INAFM2: variants seen among roughly 807,000 people sequenced by gnomAD.
The protein encoded by INAFM2 is InaF motif containing 2.
INAFM2 carries 3 observed loss-of-function variants against 5.6 expected under a neutral mutation model. The observed-to-expected ratio is 0.54, with a 90% confidence interval of 0.24 to 1.39. The LOEUF (loss-of-function observed/expected upper bound fraction) is 1.39, where lower values mean the gene tolerates loss of function less well. INAFM2 is among the 40% of genes most tolerant of loss of function. The pLI, the probability that INAFM2 is intolerant of heterozygous loss-of-function variation, is 0.16. For missense variants in INAFM2, 186 were observed against 217.5 expected (o/e 0.86, Z 0.91); for synonymous variants, 113 against 109.1 (o/e 1.04, Z -0.22).
In INAFM2 at chr15:40,323,961, AG is replaced by A. The variant is rs1450067552; in HGVS notation, c.-92del. On this transcript the variant is annotated 5_prime_UTR_variant, in exon 1 of 1. Coordinates refer to ENST00000638170, the MANE Select transcript of INAFM2 (RefSeq NM_001301268.2). The surrounding 1 kb of genome is among the most constrained non-coding windows in gnomAD (Gnocchi z 5.6). ...CGGAGCGCGGGGCCGCCGGGAACCG[AG>A]GGCGCCGGGCCGCCCCCTGCCCAGT... 4 of 630,070 alleles carry A rather than the reference AG, an allele frequency of 6.3e-6. No individual in the cohort carries two copies. Among genetic ancestry groups the A allele is most frequent in the Non-Finnish European group, 6.6e-6 (3 of 454,620 alleles). The allele number at this position is 630,070 out of a possible 1,614,324, so 39.0% of individuals were successfully genotyped here. A position where few individuals can be genotyped will look rare whatever the true frequency, so the allele number is the denominator to read the frequency against.
In INAFM2 at chr15:40,326,004, T is replaced by C. The variant is rs142378436; in HGVS notation, c.*1487T>C. The C allele has an allele frequency of 2.0e-5, 3 of 152,254 alleles. No individual in the cohort carries two copies. Among genetic ancestry groups the C allele is most frequent in the African/African-American group, 7.2e-5 (3 of 41,532 alleles). The allele number at this position is 152,254 out of a possible 1,614,324, so 9.4% of individuals were successfully genotyped here. ...GGAAATGAGGCACTATTTTTTTTTTTAAAAGACAACTTACCCACCTGAGTC... is the reference window on the plus strand; with the variant it reads ...GGAAATGAGGCACTATTTTTTTTTTCAAAAGACAACTTACCCACCTGAGTC... On this transcript the variant is annotated 3_prime_UTR_variant, in exon 1 of 1. Coordinates refer to ENST00000638170, the MANE Select transcript of INAFM2 (RefSeq NM_001301268.2).
Position 40,324,220 on chromosome 15 carries a change from C to T in INAFM2, c.165C>T (p.Val55=). The T allele has an allele frequency of 2.4e-6, 3 of 1,229,636 alleles. No homozygotes were observed. The highest frequency in any genetic ancestry group is 3.0e-6 in the Non-Finnish European group (3 of 986,700). The allele number at this position is 1,229,636 out of a possible 1,614,324, so 76.2% of individuals were successfully genotyped here. ...SVSLAAIVLA[V]YYSLIWQPVG... is the part of the protein sequence containing the mutation. ...CGCTGGCCGCCATCGTGCTCGCCGT[C>T]TACTACAGCCTCATCTGGCAGCCGG... Residue 55 remains valine (V), a synonymous_variant, in exon 1 of 1, where the codon GTC becomes GTT. Coordinates refer to ENST00000638170, the MANE Select transcript of INAFM2 (RefSeq NM_001301268.2).
rs1888738878 is a variant in INAFM2 at position 40,323,969 on chromosome 15, G to C, written c.-87G>C. 1 of 743,194 alleles carries C rather than the reference G, an allele frequency of 1.3e-6. No homozygotes were observed. The highest frequency in any genetic ancestry group is 3.8e-5 in the East Asian group (1 of 26,128). 46.0% of individuals were successfully genotyped at this position (743,194 alleles called of 1,614,324 possible). The stretch of plus-strand genomic sequence containing the variant: ...GGGGCCGCCGGGAACCGAGGGCGCC[G>C]GGCCGCCCCCTGCCCAGTCCTTGCA... On this transcript the variant is annotated 5_prime_UTR_variant, in exon 1 of 1. Transcript: ENST00000638170. The surrounding 1 kb of genome is among the most constrained non-coding windows in gnomAD (Gnocchi z 5.6).
chr15:40,324,554 C>T lies in INAFM2; in HGVS notation c.*37C>T, dbSNP rs1458543679. The T allele has an allele frequency of 1.6e-6, 2 of 1,214,072 alleles. No individual in the cohort carries two copies. The highest frequency in any genetic ancestry group is 2.1e-6 in the Non-Finnish European group (2 of 973,604). The allele number at this position is 1,214,072 out of a possible 1,614,324, so 75.2% of individuals were successfully genotyped here. ...CTGGGGGCCGCCGGGAACCATTCTC[C>T]CCAAGCCCAGAGGCAGGACTTCGCA... On this transcript the variant is annotated 3_prime_UTR_variant, in exon 1 of 1. Coordinates refer to ENST00000638170, the MANE Select transcript of INAFM2 (RefSeq NM_001301268.2).
rs969708311 is a variant in INAFM2 at position 40,325,071 on chromosome 15, C to T, written c.*554C>T. The T allele has an allele frequency of 3.3e-5, 5 of 152,224 alleles. No individual in the cohort carries two copies. The highest frequency in any genetic ancestry group is 1.2e-4 in the African/African-American group (5 of 41,446). The allele number at this position is 152,224 out of a possible 1,614,324, so 9.4% of individuals were successfully genotyped here. A position where few individuals can be genotyped will look rare whatever the true frequency, so the allele number is the denominator to read the frequency against. Reference sequence around the variant, plus strand: ...TCACATAGAATTCTATGTATATCCTCCCACACCCTGGGTAGCTACTGACTG... The same window carrying T: ...TCACATAGAATTCTATGTATATCCTTCCACACCCTGGGTAGCTACTGACTG... On this transcript the variant is annotated 3_prime_UTR_variant, in exon 1 of 1. Coordinates refer to ENST00000638170, the MANE Select transcript of INAFM2 (RefSeq NM_001301268.2).
Position 40,324,366 on chromosome 15 carries a change from G to T in INAFM2, c.311G>T (p.Arg104Leu). 6 of 1,222,250 alleles carry T rather than the reference G, an allele frequency of 4.9e-6. No individual in the cohort carries two copies. The South Asian group carries it at 2.1e-4, about 42-fold the overall frequency. The allele number at this position is 1,222,250 out of a possible 1,614,324, so 75.7% of individuals were successfully genotyped here. ...CCCAACACCACTGGGTCGTCCCGCC[G>T]CGAGGCGCCGCGCGACGTTCCCCCA... ...AGPNTTGSSR[R>L]EAPRDVPPLQ... The change falls in exon 1 of 1, where the codon CGC (arginine) becomes CTC (leucine). Residue 104 changes from arginine (R) to leucine (L), a missense_variant. By Grantham distance (102) the Arg-to-Leu change is moderately radical (BLOSUM62 -2). Coordinates refer to ENST00000638170, the MANE Select transcript of INAFM2 (RefSeq NM_001301268.2).
At position 40,324,037 on chromosome 15, in the gene INAFM2, C is replaced by A. The variant is rs1290259669; in HGVS notation, c.-19C>A. On this transcript the variant is annotated 5_prime_UTR_variant, in exon 1 of 1. Transcript: ENST00000638170. The stretch of plus-strand genomic sequence containing the variant: ...CAGCCGGGGCCGTGGAGCACCGGGG[C>A]AAAGGCCGGGGCCCCCCCATGAAGG... 1 of 1,224,576 alleles carries A rather than the reference C, an allele frequency of 8.2e-7. No individual in the cohort carries two copies. Among genetic ancestry groups the A allele is most frequent in the Non-Finnish European group, 1.0e-6 (1 of 982,804 alleles). The allele number at this position is 1,224,576 out of a possible 1,614,324, so 75.9% of individuals were successfully genotyped here.
rs978094253 is a variant in INAFM2 at position 40,324,422 on chromosome 15, C to T, written c.367C>T (p.Pro123Ser). The T allele has an allele frequency of 5.1e-5, 62 of 1,224,802 alleles. No individual in the cohort carries two copies. The highest frequency in any genetic ancestry group is 1.1e-5 in the Non-Finnish European group (11 of 983,462). 75.9% of individuals were successfully genotyped at this position (1,224,802 alleles called of 1,614,324 possible). A position where few individuals can be genotyped will look rare whatever the true frequency, so the allele number is the denominator to read the frequency against. The change falls in exon 1 of 1, where the codon CCC becomes TCC. Residue 123 changes from proline to serine, a missense_variant. Around this residue, in one of 2 missense-constraint regions of INAFM2, gnomAD observed 148 missense variants for 140.2 expected, o/e 1.06. Transcript: ENST00000638170. ...GGCGGCGCGACCGGCGCCTCCGGAGCCCCCTGCGGACAGCCCCCCGGCCGG... is the reference window on the plus strand; with the variant it reads ...GGCGGCGCGACCGGCGCCTCCGGAGTCCCCTGCGGACAGCCCCCCGGCCGG... ...LQAARPAPPEPPADSPPAGPL... is the reference protein window; with the variant it reads ...LQAARPAPPESPADSPPAGPL...
chr15:40,324,214 C>A lies in INAFM2; in HGVS notation c.159C>A (p.Leu53=). The A allele has an allele frequency of 8.1e-7, 1 of 1,229,576 alleles. No individual in the cohort carries two copies. The allele number at this position is 1,229,576 out of a possible 1,614,324, so 76.2% of individuals were successfully genotyped here. The change falls in exon 1 of 1, where the codon CTC becomes CTA. Residue 53 remains leucine, a synonymous_variant. Transcript: ENST00000638170. ...VLSVSLAAIV[L]AVYYSLIWQP... is the part of the protein sequence containing the mutation. ...CCGTGTCGCTGGCCGCCATCGTGCT[C>A]GCCGTCTACTACAGCCTCATCTGGC...
chr15:40,325,675 A>G lies in INAFM2; in HGVS notation c.*1158A>G, dbSNP rs34775584. The G allele has an allele frequency of 0.01, 1,541 of 152,264 alleles. 21 individuals carry two copies. The highest frequency in any genetic ancestry group is 0.044 in the Middle Eastern group (13 of 294). The allele number at this position is 152,264 out of a possible 1,614,324, so 9.4% of individuals were successfully genotyped here. On this transcript the variant is annotated 3_prime_UTR_variant, in exon 1 of 1. Coordinates refer to ENST00000638170, the MANE Select transcript of INAFM2 (RefSeq NM_001301268.2). ...ACATCCTCTGGTTTTGAGTTATTCT[A>G]CAGAATCAGAAAGGCTGGAAGGTGG... is the stretch of plus-strand genomic sequence containing the variant.
At position 40,324,297 on chromosome 15, in the gene INAFM2, A is replaced by T. The variant is rs1888746951; in HGVS notation, c.242A>T (p.Asn81Ile). The change falls in exon 1 of 1, where the codon AAC becomes ATC. Residue 81 changes from asparagine to isoleucine, a missense_variant. Transcript: ENST00000638170. ...GCTGGCCCGCCCCCCGGCGGCTCCA[A>T]CGCCACTGGCCCGTCTGGGACTTCG... The part of the protein sequence containing the change: ...GAAGPPPGGS[N>I]ATGPSGTSGA... 8.1e-7 allele frequency: 1 copy of T among 1,227,378 alleles called. No individual in the cohort carries two copies. Among genetic ancestry groups the T allele is most frequent in the Middle Eastern group, 3.1e-4 (1 of 3,180 alleles). 76.0% of individuals were successfully genotyped at this position (1,227,378 alleles called of 1,614,324 possible).
Position 40,325,733 on chromosome 15 carries a change from G to A in INAFM2, c.*1216G>A, listed in dbSNP as rs957226535. 6.6e-6 allele frequency: 1 copy of A among 152,200 alleles called. No homozygotes were observed. Among genetic ancestry groups the A allele is most frequent in the Non-Finnish European group, 1.5e-5 (1 of 68,040 alleles). 9.4% of individuals were successfully genotyped at this position (152,200 alleles called of 1,614,324 possible). A position where few individuals can be genotyped will look rare whatever the true frequency, so the allele number is the denominator to read the frequency against. On this transcript the variant is annotated 3_prime_UTR_variant, in exon 1 of 1. Transcript: ENST00000638170. ...ACTCAGGATTGTGCTTTGAGAACCA[G>A]CTAATAGACCAGCCGAGGGAAGGTT...
In INAFM2 at chr15:40,324,553, C is replaced by G; in HGVS notation, c.*36C>G. 2 of 1,212,166 alleles carry G rather than the reference C, an allele frequency of 1.6e-6. No individual in the cohort carries two copies. Among genetic ancestry groups the G allele is most frequent in the Non-Finnish European group, 1.0e-6 (1 of 972,416 alleles). The allele number at this position is 1,212,166 out of a possible 1,614,324, so 75.1% of individuals were successfully genotyped here. A position where few individuals can be genotyped will look rare whatever the true frequency, so the allele number is the denominator to read the frequency against. ...GCTGGGGGCCGCCGGGAACCATTCTCCCCAAGCCCAGAGGCAGGACTTCGC... is the reference window on the plus strand; with the variant it reads ...GCTGGGGGCCGCCGGGAACCATTCTGCCCAAGCCCAGAGGCAGGACTTCGC... On this transcript the variant is annotated 3_prime_UTR_variant, in exon 1 of 1. Coordinates refer to ENST00000638170, the MANE Select transcript of INAFM2 (RefSeq NM_001301268.2).
chr15:40,323,805 TGGC>T lies in INAFM2; in HGVS notation c.-242_-240del. On this transcript the variant is annotated 5_prime_UTR_variant, in exon 1 of 1. Transcript: ENST00000638170. This position sits in a 1 kb window ranked among gnomAD's most constrained non-coding sequence, Gnocchi z 5.6. ...GTGGCGGCTGTGGCGGCTGTGGCTGTGGCGGCGGCGGGGAAGCAGCTGACGGGC... is the reference window on the plus strand; with the variant it reads ...GTGGCGGCTGTGGCGGCTGTGGCTGTGGCGGCGGGGAAGCAGCTGACGGGC... 7.1e-6 allele frequency: 1 copy of T among 141,258 alleles called. No individual in the cohort carries two copies. Among genetic ancestry groups the T allele is most frequent in the Non-Finnish European group, 1.5e-5 (1 of 65,004 alleles). 8.8% of individuals were successfully genotyped at this position (141,258 alleles called of 1,614,324 possible).
Position 40,325,709 on chromosome 15 carries a change from C to T in INAFM2, c.*1192C>T, listed in dbSNP as rs1888779470. On this transcript the variant is annotated 3_prime_UTR_variant, in exon 1 of 1. Transcript: ENST00000638170. ...GAAAGGCTGGAAGGTGGGCTTCACA[C>T]TCAGGATTGTGCTTTGAGAACCAGC... The T allele has an allele frequency of 6.6e-6, 1 of 152,198 alleles. No homozygotes were observed. The highest frequency in any genetic ancestry group is 2.4e-5 in the African/African-American group (1 of 41,448). 9.4% of individuals were successfully genotyped at this position (152,198 alleles called of 1,614,324 possible).
rs1212066419 is a variant in INAFM2, at chr15:40,325,044, A to G, written c.*527A>G. ...TGTTGACATATGCACTAGAAGCTAT[A>G]ATCACATAGAATTCTATGTATATCC... is the stretch of plus-strand genomic sequence containing the variant. On this transcript the variant is annotated 3_prime_UTR_variant, in exon 1 of 1. Coordinates refer to ENST00000638170, the MANE Select transcript of INAFM2 (RefSeq NM_001301268.2). The G allele has an allele frequency of 2.0e-5, 3 of 152,242 alleles. No individual in the cohort carries two copies. Among genetic ancestry groups the G allele is most frequent in the Non-Finnish European group, 2.9e-5 (2 of 68,054 alleles). 9.4% of individuals were successfully genotyped at this position (152,242 alleles called of 1,614,324 possible). A position where few individuals can be genotyped will look rare whatever the true frequency, so the allele number is the denominator to read the frequency against.
In INAFM2 at chr15:40,324,436, C is replaced by T. The variant is rs567618103; in HGVS notation, c.381C>T (p.Ser127=). 4.1e-6 allele frequency: 5 copies of T among 1,226,088 alleles called. No individual in the cohort carries two copies. The East Asian group carries it at 1.3e-4, about 31-fold the overall frequency. 76.0% of individuals were successfully genotyped at this position (1,226,088 alleles called of 1,614,324 possible). ...CGCCTCCGGAGCCCCCTGCGGACAGCCCCCCGGCCGGGCCGCTCGAGCGGC... is the reference window on the plus strand; with the variant it reads ...CGCCTCCGGAGCCCCCTGCGGACAGTCCCCCGGCCGGGCCGCTCGAGCGGC... The part of the protein sequence containing the change: ...RPAPPEPPAD[S]PPAGPLERPR... Residue 127 remains serine (S), a synonymous_variant, in exon 1 of 1, where the codon AGC becomes AGT. Coordinates refer to ENST00000638170, the MANE Select transcript of INAFM2 (RefSeq NM_001301268.2).
In INAFM2 at chr15:40,324,140, A is replaced by T; in HGVS notation, c.85A>T (p.Thr29Ser). ...GDKKAKMAAK[T>S]NKKWVRLATV... ...CAAGAAGGCGAAGATGGCGGCCAAGACCAACAAGAAGTGGGTCCGGCTCGC... is the reference window on the plus strand; with the variant it reads ...CAAGAAGGCGAAGATGGCGGCCAAGTCCAACAAGAAGTGGGTCCGGCTCGC... The change falls in exon 1 of 1, where the codon ACC becomes TCC. Residue 29 changes from threonine (T) to serine (S), a missense_variant. Thr to Ser is a moderately conservative substitution (Grantham distance 58). Transcript: ENST00000638170. 8.1e-7 allele frequency: 1 copy of T among 1,229,488 alleles called. No homozygotes were observed. The highest frequency in any genetic ancestry group is 4.1e-5 in the South Asian group (1 of 24,312). 76.2% of individuals were successfully genotyped at this position (1,229,488 alleles called of 1,614,324 possible).
rs543467947 is a variant in INAFM2 at position 40,324,718 on chromosome 15, C to G, written c.*201C>G. On this transcript the variant is annotated 3_prime_UTR_variant, in exon 1 of 1. Transcript: ENST00000638170. ...CAAGGGACCACGATTCGCCGGGGGG[C>G]TGGGGGTTTGCTGCCCAGGACCGTG... 8.0e-5 allele frequency: 27 copies of G among 338,602 alleles called. No individual in the cohort carries two copies. Among genetic ancestry groups the G allele is most frequent in the African/African-American group, 5.6e-4 (26 of 46,384 alleles). The allele number at this position is 338,602 out of a possible 1,614,324, so 21.0% of individuals were successfully genotyped here.
Sources: gnomAD v4.1 joint callset for allele counts on GRCh38, gnomAD v4.1.1 for gene constraint, gnomAD v4.1.1 regional missense constraint, Gnocchi (gnomAD v3.1) non-coding constraint, MANE v1.5 for transcripts, NCBI Gene and HGNC (gene_info 2026-07-23, HGNC 2026-07-21) for gene names.